The following ADGRV1 variants were observed in gnomAD, a reference collection of about 807,000 sequenced individuals.
ADGRV1 encodes the protein G-protein coupled receptor 98.
ADGRV1 carries 359 observed loss-of-function variants against 596.2 expected under a neutral mutation model. The ratio of observed to expected loss-of-function variants is 0.60; its 90% CI spans 0.55 to 0.66. The LOEUF is 0.66. Ranked by LOEUF, ADGRV1 falls within the 30% of genes least tolerant of loss-of-function variation. The pLI is 0.00. For missense variants in ADGRV1, 7,274 were observed against 7,575.6 expected (o/e 0.96, Z 1.48); for synonymous variants, 2,681 against 2,679.2 (o/e 1.00, Z -0.02).
At chr5:90,987,438 C>T (rs1298507627) in intron 85 of ADGRV1, among the ~76,000 whole-genome samples, 1 of 147,298 alleles carries the variant, frequency 6.8e-6, no homozygotes. Context: ...CCACTGCACT[C>T]CAGCCTGGGT....
intron 82 of ADGRV1, 139 bp from the exon 83 acceptor site, chr5:90,863,618 A>G: frequency 4.4e-6 from 3 of 680,442 alleles, no homozygotes; most frequent in East Asian, 2.7e-5. Flanking sequence ...TACAATTGCC[A>G]TGTCATCTTT....
chr5:91,156,508 G>A (rs1294596886), intron 89 of ADGRV1, among the ~76,000 whole-genome samples: 11 of 152,196 alleles, frequency 7.2e-5, no homozygotes, highest in Non-Finnish European at 5.9e-5. Flanking sequence ...GTGCTACAGT[G>A]TCATCAGTTG....
At position 90,647,602 on chromosome 5, in the gene ADGRV1, G is replaced by A. The variant is rs765930768; in HGVS notation, c.3127G>A (p.Gly1043Arg). ...TCMVQYATKDGKATARERDFI... is the reference protein window; with the variant it reads ...TCMVQYATKDRKATARERDFI... ...CATGGTCCAGTATGCTACCAAGGATGGGAAGGCTACTGCAAGAGAGAGAGA... is the reference window on the plus strand; with the variant it reads ...CATGGTCCAGTATGCTACCAAGGATAGGAAGGCTACTGCAAGAGAGAGAGA... The change falls in exon 17 of 90, where the codon GGG becomes AGG. Residue 1043 changes from glycine (G) to arginine (R), a missense_variant. Gly to Arg is a moderately radical substitution (Grantham distance 125). This residue lies in a region of ADGRV1 where 1,715 missense variants were observed against 1,708.8 expected (regional missense o/e 1.00). Transcript: ENST00000405460. 2.6e-5 allele frequency: 42 copies of A among 1,613,806 alleles called. No individual in the cohort carries two copies. The highest frequency in any genetic ancestry group is 3.2e-5 in the Non-Finnish European group (38 of 1,179,862).
intron 76 of ADGRV1, among the ~76,000 whole-genome samples, chr5:90,826,610 T>C (rs1764097474): frequency 6.6e-6 from 1 of 152,068 alleles, no homozygotes; most frequent in African/African-American, 2.4e-5. Context: ...TCATAAGAGA[T>C]GGTGAGTATT....
Position 90,823,312 on chromosome 5 carries a change from G to A in ADGRV1, c.16197-113G>A. ...AAGTAAGTGCTATACTTTGGATGAA[G>A]AGGTACCATTTGGTATACTTTGGAT... On this transcript the variant is annotated intron_variant, in intron 75 of 89. Coordinates refer to ENST00000405460, the MANE Select transcript of ADGRV1 (RefSeq NM_032119.4). The A allele has an allele frequency of 2.8e-5, 30 of 1,066,466 alleles. No individual in the cohort carries two copies. The South Asian group carries it at 4.3e-4, about 15-fold the overall frequency. 66.1% of individuals were successfully genotyped at this position (1,066,466 alleles called of 1,614,324 possible).
chr5:91,127,272 G>A (rs1254810530), intron 87 of ADGRV1, among the ~76,000 whole-genome samples: 1 of 152,148 alleles, frequency 6.6e-6, no homozygotes, highest in African/African-American at 2.4e-5. Flanking sequence ...TGGCCTAGTG[G>A]CTCATGCCTG....
chr5:90,710,504 T>G (rs1749192135), intron 39 of ADGRV1, among the ~76,000 whole-genome samples: 1 of 152,202 alleles, frequency 6.6e-6, no homozygotes, highest in Non-Finnish European at 1.5e-5. Flanking sequence ...CCCATGTGTC[T>G]CTACTTCTGT....
At chr5:91,148,567 C>T (rs187162828) in intron 87 of ADGRV1, among the ~76,000 whole-genome samples, 1 of 152,314 alleles carries the variant, frequency 6.6e-6, no homozygotes, top group Admixed American at 6.5e-5. Context: ...TGCCTGGACA[C>T]CCGGGCAGAA....
At chr5:90,885,929 G>T (rs923330452) in intron 83 of ADGRV1, among the ~76,000 whole-genome samples, 2 of 151,990 alleles carry the variant, frequency 1.3e-5, no homozygotes, top group African/African-American at 4.8e-5. Context: ...TGGTGATGTT[G>T]CTCATTACCC....
At chr5:90,852,215 A>T (rs941978336) in intron 79 of ADGRV1, among the ~76,000 whole-genome samples, 24 of 152,158 alleles carry the variant, frequency 1.6e-4, no homozygotes, top group African/African-American at 5.8e-4. Flanking sequence ...TACAGAGGAG[A>T]TTTTTTGTAG....
intron 83 of ADGRV1, among the ~76,000 whole-genome samples, chr5:90,864,511 C>T (rs984848352): frequency 1.3e-5 from 2 of 152,058 alleles, no homozygotes; most frequent in Admixed American, 6.6e-5. Context: ...TGAACATAGA[C>T]CATTTGCAAA....
intron 1 of ADGRV1, among the ~76,000 whole-genome samples, chr5:90,581,607 C>T (rs1458238673): frequency 6.6e-6 from 1 of 152,158 alleles, no homozygotes; most frequent in African/African-American, 2.4e-5. Flanking sequence ...CTGATCCTTC[C>T]TCTGGAAGCT....
intron 10 of ADGRV1, among the ~76,000 whole-genome samples, chr5:90,636,509 T>G (rs560682818): frequency 1.5e-4 from 23 of 152,340 alleles, no homozygotes; most frequent in Admixed American, 3.3e-4. Flanking sequence ...AGTTGATTGC[T>G]TTTATCTTAG....
At chr5:91,127,797 G>A (rs1432070302) in intron 87 of ADGRV1, among the ~76,000 whole-genome samples, 2 of 152,076 alleles carry the variant, frequency 1.3e-5, no homozygotes, top group African/African-American at 4.8e-5. Context: ...AATTTGGGAT[G>A]TTTTCAAATT....
chr5:91,031,079 T>C, intron 85 of ADGRV1: 1 of 1,459,272 alleles, frequency 6.9e-7, no homozygotes, highest in Non-Finnish European at 9.5e-7. Flanking sequence ...ATAGGGATGA[T>C]ACAGTAGCTC....
intron 1 of ADGRV1, among the ~76,000 whole-genome samples, chr5:90,585,571 G>A (rs1279054907): frequency 6.6e-6 from 1 of 152,212 alleles, no homozygotes; most frequent in Non-Finnish European, 1.5e-5. Flanking sequence ...TGGTAAAGAC[G>A]TTAGCCTGAG....
intron 1 of ADGRV1, among the ~76,000 whole-genome samples, chr5:90,569,928 A>T (rs1397986486): frequency 6.6e-6 from 1 of 152,036 alleles, no homozygotes; most frequent in Non-Finnish European, 1.5e-5. Flanking sequence ...CAAATCTATT[A>T]TTATTGCTTT....
In ADGRV1 at chr5:90,653,844, T is replaced by TGG. The variant is rs2149468567; in HGVS notation, c.4271_4272dup (p.Leu1425GlyfsTer5). 1 of 1,611,942 alleles carries TGG rather than the reference T, an allele frequency of 6.2e-7. No homozygotes were observed. Among genetic ancestry groups the TGG allele is most frequent in the Non-Finnish European group, 8.5e-7 (1 of 1,178,938 alleles). ...CATGAAATATTTAGAAGAAAGTGTT[T>TGG]GGCTTCATCTACTAATTATCCTGGA... On this transcript the variant is annotated frameshift_variant, in exon 20 of 90. Coordinates refer to ENST00000405460, the MANE Select transcript of ADGRV1 (RefSeq NM_032119.4). LOFTEE classifies it high-confidence loss of function.
intron 83 of ADGRV1, among the ~76,000 whole-genome samples, chr5:90,950,500 T>G (rs138930140): frequency 0.013 from 2,011 of 152,164 alleles, 54 homozygotes; most frequent in African/African-American, 0.046. Context: ...TTTTGTATTT[T>G]GAGTAGAGAC....
Sources: allele counts gnomAD v4.1 joint callset (sites outside exome capture counted in the v4.1 genomes callset), GRCh38; gene constraint gnomAD v4.1.1; regional missense constraint gnomAD v4.1.1; transcripts MANE v1.5; gene names NCBI Gene and HGNC (gene_info 2026-07-23, HGNC 2026-07-21).